NTM: variants seen among roughly 807,000 people sequenced by gnomAD.
The protein encoded by NTM is neurotrimin.
A neutral mutation model predicts 42.1 loss-of-function variants in NTM; 13 were observed. The observed-to-expected ratio is 0.31, with a 90% CI of 0.20 to 0.49. The LOEUF is 0.49. NTM is among the 20% of genes least tolerant of loss of function. The pLI is 0.99. For synonymous variants in NTM, 187 were observed against 179.2 expected (o/e 1.04, Z -0.35); for missense variants, 373 against 452.8 (o/e 0.82, Z 1.60).
At position 132,123,574 on chromosome 11, in the gene NTM, G is replaced by C. The variant is rs79121358; in HGVS notation, c.168-22708G>C. 6.8e-3 allele frequency among the ~76,000 whole-genome samples: 1,029 copies of C among 152,236 alleles called. 6 individuals carry two copies. The highest frequency in any genetic ancestry group is 0.029 in the South Asian group (138 of 4,818). ...ATGGGCCTATGGCCGTTCTGTTTTC[G>C]GCGAGAGCTAGGGAAATCCCCTGCC... is the stretch of plus-strand genomic sequence containing the variant. On this transcript the variant is annotated intron_variant, in intron 2 of 8. Coordinates refer to ENST00000683400, the MANE Select transcript of NTM (RefSeq NM_001352005.2).
At chr11:131,734,755 T>A (rs1024830414) in intron 1 of NTM, among the ~76,000 whole-genome samples, 3 of 152,216 alleles carry the variant, frequency 2.0e-5, no homozygotes, top group Non-Finnish European at 4.4e-5. Context: ...TAAATAACTA[T>A]ATCAGCATTA....
intron 1 of NTM, among the ~76,000 whole-genome samples, chr11:131,874,030 A>AATATAAT (rs1491528420): frequency 1.7e-4 from 13 of 76,630 alleles, no homozygotes; most frequent in Non-Finnish European, 8.8e-5. Flanking sequence ...AATATAATAT[A>AATATAAT]ATATATATAT....
intron 7 of NTM, among the ~76,000 whole-genome samples, chr11:132,321,445 A>G (rs1451726277): frequency 6.6e-6 from 1 of 152,212 alleles, no homozygotes; most frequent in Non-Finnish European, 1.5e-5. Flanking sequence ...AGATGAAATG[A>G]ATGAAATGAA....
intron 1 of NTM, among the ~76,000 whole-genome samples, chr11:131,832,572 C>T (rs1325773995): frequency 6.6e-6 from 1 of 152,200 alleles, no homozygotes; most frequent in Non-Finnish European, 1.5e-5. Flanking sequence ...ACTTCACCCT[C>T]AGCTTGGATA....
intron 1 of NTM, among the ~76,000 whole-genome samples, chr11:131,477,906 T>C (rs1392459676): frequency 5.3e-5 from 8 of 151,550 alleles, no homozygotes; most frequent in Non-Finnish European, 1.2e-4. Flanking sequence ...GTTCTGACAA[T>C]TGCTGTTCCT....
intron 2 of NTM, among the ~76,000 whole-genome samples, chr11:132,098,864 T>G (rs2061331791): frequency 1.3e-5 from 2 of 152,278 alleles, no homozygotes; most frequent in Non-Finnish European, 2.9e-5. Flanking sequence ...CTGCACAACC[T>G]GTATACAGCA....
chr11:132,087,797 A>T (rs2059912215), intron 2 of NTM, among the ~76,000 whole-genome samples: 1 of 152,194 alleles, frequency 6.6e-6, no homozygotes, highest in African/African-American at 2.4e-5. Context: ...GTTCCTTTGC[A>T]AATGGGTTTC....
At chr11:132,310,295 T>C (rs762210523) in intron 6 of NTM, 63 bp downstream of exon 6, 7 of 1,477,428 alleles carry the variant, frequency 4.7e-6, no homozygotes, top group South Asian at 2.8e-5. Flanking sequence ...TTTTCCAGGG[T>C]CCTGATTCCA....
chr11:131,939,086 A>G (rs377339448), intron 2 of NTM, among the ~76,000 whole-genome samples: 10 of 152,322 alleles, frequency 6.6e-5, no homozygotes, highest in African/African-American at 2.4e-4. Context: ...TTGTTCTTAA[A>G]ATCTTGAAAT....
intron 2 of NTM, among the ~76,000 whole-genome samples, chr11:132,134,075 C>T (rs1348730951): frequency 6.6e-6 from 1 of 152,106 alleles, no homozygotes; most frequent in Non-Finnish European, 1.5e-5. Context: ...AGGCACATGC[C>T]ACCCTGCCCA....
intron 1 of NTM, among the ~76,000 whole-genome samples, chr11:131,835,447 TA>T (rs1357636215): frequency 6.6e-6 from 1 of 152,144 alleles, no homozygotes; most frequent in African/African-American, 2.4e-5. Context: ...AAGAAAGATT[TA>T]AACAAGCACT....
chr11:131,990,472 T>A (rs2066824540), intron 2 of NTM, among the ~76,000 whole-genome samples: 2 of 152,060 alleles, frequency 1.3e-5, no homozygotes, highest in South Asian at 4.1e-4. Flanking sequence ...AGCATTAAGA[T>A]TCTCATTTTA....
intron 1 of NTM, among the ~76,000 whole-genome samples, chr11:131,868,778 ACAT>A: frequency 6.6e-6 from 1 of 152,260 alleles, no homozygotes; most frequent in African/African-American, 2.4e-5. Flanking sequence ...TGTCCTGATG[ACAT>A]CAGCAAGAAA....
At chr11:132,075,045 A>T (rs2058183900) in intron 2 of NTM, among the ~76,000 whole-genome samples, 1 of 152,200 alleles carries the variant, frequency 6.6e-6, no homozygotes, top group Admixed American at 6.5e-5. Context: ...GACATCATGG[A>T]TGGACCTTGA....
intron 1 of NTM, among the ~76,000 whole-genome samples, chr11:131,893,598 C>G (rs1032763954): frequency 2.0e-5 from 3 of 152,172 alleles, no homozygotes; most frequent in African/African-American, 7.2e-5. Context: ...GAAGGAATCT[C>G]AAAGTACCAT....
At chr11:131,417,866 C>T (rs770342461) in intron 1 of NTM, among the ~76,000 whole-genome samples, 3 of 152,204 alleles carry the variant, frequency 2.0e-5, no homozygotes, top group Non-Finnish European at 4.4e-5. Context: ...TATGTCTCAC[C>T]TAGAAGTCCC....
At chr11:131,727,854 T>C (rs1056877460) in intron 1 of NTM, among the ~76,000 whole-genome samples, 4 of 152,210 alleles carry the variant, frequency 2.6e-5, no homozygotes, top group African/African-American at 9.6e-5. Context: ...GAAATCCCTC[T>C]GTCTTCTGCA....
intron 1 of NTM, among the ~76,000 whole-genome samples, chr11:131,413,791 G>T (rs1022383672): frequency 1.3e-5 from 2 of 152,140 alleles, no homozygotes; most frequent in African/African-American, 4.8e-5. Flanking sequence ...AACCCGTGGG[G>T]ACAAGCAGGA....
At chr11:131,534,402 C>T (rs2051809252) in intron 1 of NTM, 4 of 152,256 alleles carry the variant, frequency 2.6e-5, no homozygotes, top group Non-Finnish European at 5.9e-5. Flanking sequence ...CACACGCACC[C>T]CACACACTTT....
Sources: allele counts gnomAD v4.1 joint callset (sites outside exome capture counted in the v4.1 genomes callset), GRCh38; gene constraint gnomAD v4.1.1; transcripts MANE v1.5; gene names NCBI Gene and HGNC (gene_info 2026-07-23, HGNC 2026-07-21).